ADARB2: variants seen among roughly 807,000 people sequenced by gnomAD.
The protein encoded by ADARB2 is adenosine deaminase RNA specific B2 (inactive), also known as inactive double-stranded RNA-specific editase B2.
ADARB2 carries 25 observed loss-of-function variants against 62.2 expected under a neutral mutation model. The ratio of observed to expected loss-of-function variants is 0.40; its 90% CI spans 0.29 to 0.56. The LOEUF (loss-of-function observed/expected upper bound fraction) is 0.56. Ranked by LOEUF, ADARB2 falls within the 20% of genes least tolerant of loss-of-function variation. The probability of loss-of-function intolerance (pLI) is 0.43; values close to 1 mark genes in which losing one functional copy is unlikely to be tolerated. For missense variants in ADARB2, 1,071 were observed against 1,077.4 expected (o/e 0.99, Z 0.08); for synonymous variants, 572 against 500.8 (o/e 1.14, Z -1.90).
chr10:1,686,448 G>A (rs1025909177), intron 1 of ADARB2, among the ~76,000 whole-genome samples: 13 of 152,242 alleles, frequency 8.5e-5, no homozygotes, highest in African/African-American at 3.1e-4. Context: ...GGAAACTGAT[G>A]AGCAGTTAAT....
intron 3 of ADARB2, among the ~76,000 whole-genome samples, chr10:1,284,585 G>A (rs890454793): frequency 5.3e-5 from 8 of 152,126 alleles, no homozygotes; most frequent in East Asian, 1.9e-4. Context: ...GTGAAGAACC[G>A]TCCCATTTTA....
At chr10:1,664,497 G>A (rs566719262) in intron 1 of ADARB2, among the ~76,000 whole-genome samples, 4 of 152,268 alleles carry the variant, frequency 2.6e-5, no homozygotes, top group East Asian at 3.9e-4. Context: ...CTGCTGTCAC[G>A]GCTTCTTTCT....
chr10:1,687,901 A>G (rs925077277), intron 1 of ADARB2, among the ~76,000 whole-genome samples: 3 of 152,206 alleles, frequency 2.0e-5, no homozygotes, highest in Non-Finnish European at 2.9e-5. Flanking sequence ...GTGCGTATAC[A>G]GTGACAGTTC....
At position 1,301,906 on chromosome 10, in the gene ADARB2, C is replaced by T. The variant is rs538231282; in HGVS notation, c.1078-30837G>A. 5.9e-5 allele frequency among the ~76,000 whole-genome samples: 9 copies of T among 152,318 alleles called. No individual in the cohort carries two copies. In the South Asian group the frequency reaches 1.9e-3, roughly 32 times the overall value. On this transcript the variant is annotated intron_variant, in intron 3 of 9. Transcript: ENST00000381312. ...TTATCAAAGTCCCCACAATTGGTGA[C>T]CTTACAGTGACACATCACTACCACC...
intron 1 of ADARB2, among the ~76,000 whole-genome samples, chr10:1,469,105 T>G (rs1348649455): frequency 6.6e-6 from 1 of 152,212 alleles, no homozygotes; most frequent in Non-Finnish European, 1.5e-5. Flanking sequence ...CATCCATTTC[T>G]TCTCTTTCTG....
At chr10:1,303,833 T>C (rs1204970834) in intron 3 of ADARB2, among the ~76,000 whole-genome samples, 1 of 151,586 alleles carries the variant, frequency 6.6e-6, no homozygotes, top group African/African-American at 2.4e-5. Flanking sequence ...CTGAGAGATT[T>C]TGTCACCACC....
intron 1 of ADARB2, among the ~76,000 whole-genome samples, chr10:1,470,865 C>T (rs1021731969): frequency 6.6e-6 from 1 of 152,188 alleles, no homozygotes; most frequent in African/African-American, 2.4e-5. Flanking sequence ...TCGAGACCAT[C>T]CTGGCTAACA....
At chr10:1,383,207 G>A (rs985314722) in intron 1 of ADARB2, among the ~76,000 whole-genome samples, 2 of 152,172 alleles carry the variant, frequency 1.3e-5, no homozygotes, top group African/African-American at 4.8e-5. Context: ...AGTGCAGTTG[G>A]CATCTGCAAC....
rs370547869 is a variant in ADARB2, at chr10:1,181,480, T to A, written c.*1713A>T. ...TTGTCTACTCCAGTACCTGTTTTCT[T>A]TTCTAAAAGAACTCGAGTGATAAAT... is the stretch of plus-strand genomic sequence containing the variant. On this transcript the variant is annotated 3_prime_UTR_variant, in exon 10 of 10. Transcript: ENST00000381312. 10 of 152,394 alleles carry A rather than the reference T, an allele frequency of 6.6e-5. No individual in the cohort carries two copies. The East Asian group carries it at 1.3e-3, about 21-fold the overall frequency. The allele number at this position is 152,394 out of a possible 1,614,324, so 9.4% of individuals were successfully genotyped here.
Position 1,652,478 on chromosome 10 carries a change from C to G in ADARB2, c.100+84573G>C, listed in dbSNP as rs548223216. On this transcript the variant is annotated intron_variant, in intron 1 of 9. Coordinates refer to ENST00000381312, the MANE Select transcript of ADARB2 (RefSeq NM_018702.4). The stretch of plus-strand genomic sequence containing the variant: ...CGGGGCTCACCTTTTGGATTCTGTC[C>G]TCCTACCACTGACATCTGCTCTTAG... 2.2e-3 allele frequency among the ~76,000 whole-genome samples: 333 copies of G among 152,344 alleles called. 1 individual carries two copies. The highest frequency in any genetic ancestry group is 4.4e-3 in the Admixed American group (68 of 15,310).
chr10:1,384,168 G>A (rs146772047), intron 1 of ADARB2, among the ~76,000 whole-genome samples: 1 of 152,306 alleles, frequency 6.6e-6, no homozygotes, highest in African/African-American at 2.4e-5. Context: ...TACTGGGGTT[G>A]GCTAAAAGCC....
At chr10:1,616,852 C>T (rs1391656749) in intron 1 of ADARB2, among the ~76,000 whole-genome samples, 2 of 147,348 alleles carry the variant, frequency 1.4e-5, no homozygotes, top group South Asian at 4.3e-4. Flanking sequence ...CCACACCGCC[C>T]TGCTGTGCTC....
chr10:1,556,802 C>T (rs986566185), intron 1 of ADARB2: 3 of 534,452 alleles, frequency 5.6e-6, no homozygotes, highest in Non-Finnish European at 7.7e-6. Context: ...AGCTCTGTCC[C>T]TGGAAGCATA....
chr10:1,692,329 G>C (rs778809959), intron 1 of ADARB2, among the ~76,000 whole-genome samples: 1 of 152,174 alleles, frequency 6.6e-6, no homozygotes, highest in African/African-American at 2.4e-5. Context: ...CCAGAAGCTC[G>C]GAAAGCAGGA....
At chr10:1,569,084 G>A (rs999108477) in intron 1 of ADARB2, among the ~76,000 whole-genome samples, 1 of 151,834 alleles carries the variant, frequency 6.6e-6, no homozygotes, top group Non-Finnish European at 1.5e-5. Context: ...CAGACACACA[G>A]AGACAGACAG....
intron 1 of ADARB2, among the ~76,000 whole-genome samples, chr10:1,554,475 C>G (rs180929831): frequency 3.7e-4 from 56 of 152,260 alleles, no homozygotes; most frequent in African/African-American, 1.2e-3. Flanking sequence ...ACCTCTGCCC[C>G]GGTCTCCACT....
chr10:1,461,813 A>C (rs1421274004), intron 1 of ADARB2, among the ~76,000 whole-genome samples: 1 of 152,144 alleles, frequency 6.6e-6, no homozygotes, highest in Non-Finnish European at 1.5e-5. Flanking sequence ...CATCCTGGCC[A>C]ACATGGTGAA....
chr10:1,289,706 A>T (rs942980460), intron 3 of ADARB2, among the ~76,000 whole-genome samples: 1 of 152,268 alleles, frequency 6.6e-6, no homozygotes, highest in African/African-American at 2.4e-5. Context: ...TGCAGGCCTC[A>T]TACCACGCAT....
At chr10:1,244,263 A>G (rs904357611) in intron 4 of ADARB2, among the ~76,000 whole-genome samples, 4 of 152,226 alleles carry the variant, frequency 2.6e-5, no homozygotes, top group Admixed American at 6.5e-5. Flanking sequence ...GTGATGCAGA[A>G]ACCACCCCTC....
Sources: allele counts gnomAD v4.1 joint callset (sites outside exome capture counted in the v4.1 genomes callset), GRCh38; gene constraint gnomAD v4.1.1; transcripts MANE v1.5; gene names NCBI Gene and HGNC (gene_info 2026-07-23, HGNC 2026-07-21).